The following CFAP44 variants were observed in gnomAD, a reference collection of about 807,000 sequenced individuals.
CFAP44 encodes cilia- and flagella-associated protein 44.
In CFAP44, 134 loss-of-function variants were observed where a neutral mutation model predicts 216.2. The ratio of observed to expected loss-of-function variants is 0.62; its 90% CI spans 0.54 to 0.72. The LOEUF is 0.72. Among genes scored for constraint, CFAP44 ranks in the 30% least tolerant of loss-of-function variants. CFAP44 has a pLI of 0.00. For missense variants in CFAP44, 2,035 were observed against 2,182.1 expected, an observed-to-expected ratio of 0.93 and a Z score of 1.34; for synonymous variants, 700 against 727.6, an observed-to-expected ratio of 0.96 and a Z score of 0.61.
intron 28 of CFAP44, among the ~76,000 whole-genome samples, chr3:113,323,756 C>G (rs1950165287): frequency 6.6e-6 from 1 of 152,034 alleles, no homozygotes; most frequent in Admixed American, 6.6e-5. Flanking sequence ...TGAAATAGAT[C>G]ATTTGGGCTG....
chr3:113,411,151 T>G (rs937102412), intron 6 of CFAP44, among the ~76,000 whole-genome samples: 3 of 152,174 alleles, frequency 2.0e-5, no homozygotes, highest in Non-Finnish European at 4.4e-5. Context: ...TTAGTTTAAT[T>G]AGATCCCATT....
At chr3:113,377,533 T>G (rs1200925372) in intron 17 of CFAP44, among the ~76,000 whole-genome samples, 1 of 152,196 alleles carries the variant, frequency 6.6e-6, no homozygotes, top group Non-Finnish European at 1.5e-5. Context: ...AAACCAGCAC[T>G]TATTTTATAG....
intron 6 of CFAP44, among the ~76,000 whole-genome samples, chr3:113,412,777 TG>T (rs1934523573): frequency 6.6e-6 from 1 of 152,214 alleles, no homozygotes; most frequent in Non-Finnish European, 1.5e-5. Context: ...CTATCATTGA[TG>T]GGCACTTGGG....
chr3:113,413,382 CTT>C (rs1379921282), intron 6 of CFAP44, among the ~76,000 whole-genome samples: 2 of 152,094 alleles, frequency 1.3e-5, no homozygotes, highest in Admixed American at 6.5e-5. Context: ...AATTAACTCT[CTT>C]TTGTCAATTT....
intron 4 of CFAP44, among the ~76,000 whole-genome samples, chr3:113,423,544 C>T (rs772384769): frequency 2.0e-5 from 3 of 152,174 alleles, no homozygotes; most frequent in Non-Finnish European, 4.4e-5. Flanking sequence ...TGTCTTATCT[C>T]ACCCTCTCTT....
In CFAP44 at chr3:113,417,793, AG is replaced by A. The variant is rs368893634; in HGVS notation, c.571-1167del. On this transcript the variant is annotated intron_variant, in intron 5 of 34. Coordinates refer to ENST00000393845, the MANE Select transcript of CFAP44 (RefSeq NM_001164496.2). ...AGAGATAGGATTCAAGCCAAGTATC[AG>A]AGTCAAGAAGCAAACGGGCCTAAGA... is the stretch of plus-strand genomic sequence containing the variant. 1.9e-3 allele frequency among the ~76,000 whole-genome samples: 291 copies of A among 152,338 alleles called. 2 individuals are homozygous for A. The highest frequency in any genetic ancestry group is 5.7e-3 in the African/African-American group (238 of 41,580).
chr3:113,335,201 A>G (rs1950271975), intron 24 of CFAP44, among the ~76,000 whole-genome samples: 1 of 152,226 alleles, frequency 6.6e-6, no homozygotes, highest in Admixed American at 6.5e-5. Flanking sequence ...TATGTGAAAC[A>G]ACTATGTTCA....
chr3:113,391,915 G>T (rs1419728292), intron 15 of CFAP44, among the ~76,000 whole-genome samples: 1 of 152,144 alleles, frequency 6.6e-6, no homozygotes, highest in Non-Finnish European at 1.5e-5. Context: ...ATGCTGGCAA[G>T]AATGTGGAGT....
chr3:113,351,172 T>A (rs903251043), intron 22 of CFAP44, among the ~76,000 whole-genome samples: 2 of 152,192 alleles, frequency 1.3e-5, no homozygotes, highest in South Asian at 4.1e-4. Flanking sequence ...AAATTCTAAG[T>A]TAATATGGAC....
chr3:113,331,770 A>G (rs572729730), intron 25 of CFAP44, among the ~76,000 whole-genome samples: 14 of 152,228 alleles, frequency 9.2e-5, no homozygotes, highest in Middle Eastern at 3.4e-3. Flanking sequence ...TACCACACAA[A>G]CCTAAATACT....
In CFAP44 at chr3:113,395,846, A is replaced by G; in HGVS notation, c.1794T>C (p.Thr598=). 6.2e-7 allele frequency: 1 copy of G among 1,613,424 alleles called. No homozygotes were observed. Among genetic ancestry groups the G allele is most frequent in the Non-Finnish European group, 8.5e-7 (1 of 1,179,566 alleles). The change falls in exon 15 of 35, where the codon ACT becomes ACC. Residue 598 remains threonine (T), a synonymous_variant. Coordinates refer to ENST00000393845, the MANE Select transcript of CFAP44 (RefSeq NM_001164496.2). ...CCCTTTCCACTTCAAAGAAGAAAAC[A>G]GTTTGATCTTTACTCTAAGGAAAAA... The part of the protein sequence containing the change: ...EILATGSKDQ[T]VFFFEVERDY...
At chr3:113,297,634 T>C in intron 32 of CFAP44, among the ~76,000 whole-genome samples, 1 of 152,162 alleles carries the variant, frequency 6.6e-6, no homozygotes, top group East Asian at 1.9e-4. Context: ...GCACTCTTTT[T>C]CTCAATCCAT....
intron 15 of CFAP44, among the ~76,000 whole-genome samples, chr3:113,391,718 C>T (rs1576586293): frequency 6.6e-6 from 1 of 152,082 alleles, no homozygotes; most frequent in African/African-American, 2.4e-5. Context: ...AAAAAATCTA[C>T]TAATCCAATT....
Position 113,324,042 on chromosome 3 carries a change from C to CAAAAAAAAAAAAAAA in CFAP44, c.4516+2388_4516+2402dup, listed in dbSNP as rs200919084. ...CTGGTGACAGAGCAAGACTCCGTCT[C>CAAAAAAAAAAAAAAA]AAAAAAAAAAAAAAAAAGAGAGAAA... On this transcript the variant is annotated intron_variant, in intron 28 of 34. Coordinates refer to ENST00000393845, the MANE Select transcript of CFAP44 (RefSeq NM_001164496.2). Among the ~76,000 whole-genome samples, 210 of 71,550 alleles carry CAAAAAAAAAAAAAAA rather than the reference C, an allele frequency of 2.9e-3. 6 individuals carry two copies. Among genetic ancestry groups the CAAAAAAAAAAAAAAA allele is most frequent in the African/African-American group, 6.5e-3 (136 of 20,968 alleles). 46.9% of individuals were successfully genotyped at this position (71,550 alleles called of 152,430 possible).
At chr3:113,401,311 G>A (rs760601472) in intron 10 of CFAP44, 24 bp from the exon 11 acceptor site, 2 of 1,564,490 alleles carry the variant, frequency 1.3e-6, no homozygotes, top group South Asian at 1.2e-5. Flanking sequence ...ATAGTATTTT[G>A]TTTTATCATT....
Position 113,420,041 on chromosome 3 carries a change from ACTG to A in CFAP44, c.543_545del (p.Ser182del), listed in dbSNP as rs1306309952. 1 of 1,613,680 alleles carries A rather than the reference ACTG, an allele frequency of 6.2e-7. No individual in the cohort carries two copies. The highest frequency in any genetic ancestry group is 1.7e-5 in the Admixed American group (1 of 59,956). ...CCCCAATGACGCCAATTCCTTCACCACTGCTACTTCGCAGGTAGATCTGTTCCT... is the reference window on the plus strand; with the variant it reads ...CCCCAATGACGCCAATTCCTTCACCACTACTTCGCAGGTAGATCTGTTCCT... On this transcript the variant is annotated inframe_deletion, in exon 5 of 35. Coordinates refer to ENST00000393845, the MANE Select transcript of CFAP44 (RefSeq NM_001164496.2).
intron 34 of CFAP44, among the ~76,000 whole-genome samples, chr3:113,292,673 C>T (rs751209318): frequency 2.0e-5 from 3 of 152,184 alleles, no homozygotes; most frequent in Non-Finnish European, 4.4e-5. Context: ...AAGCTGGAAG[C>T]AGAGTTAGAA....
At chr3:113,328,181 T>C (rs1177046020) in intron 26 of CFAP44, among the ~76,000 whole-genome samples, 2 of 151,702 alleles carry the variant, frequency 1.3e-5, no homozygotes, top group African/African-American at 4.8e-5. Context: ...ATCCCTTTTA[T>C]ATAGTAAGCA....
chr3:113,299,543 C>T (rs1396400174), intron 32 of CFAP44, among the ~76,000 whole-genome samples: 1 of 152,106 alleles, frequency 6.6e-6, no homozygotes, highest in Non-Finnish European at 1.5e-5. Context: ...ATCATATGAT[C>T]CAGCAATCGC....
Sources: gnomAD v4.1 joint callset for allele counts (sites outside exome capture counted in the v4.1 genomes callset) on GRCh38, gnomAD v4.1.1 for gene constraint, MANE v1.5 for transcripts, NCBI Gene and HGNC (gene_info 2026-07-23, HGNC 2026-07-21) for gene names.